Variants in CADM2 observed in about 807,000 individuals in gnomAD.
The protein encoded by CADM2 is cell adhesion molecule 2.
A neutral mutation model predicts 49.8 loss-of-function variants in CADM2; 12 were observed. The observed-to-expected ratio is 0.24, with a 90% CI of 0.15 to 0.39. The LOEUF is 0.39. CADM2 is among the 10% of genes least tolerant of loss of function. The pLI is 1.00. For synonymous variants in CADM2, 214 were observed against 175.4 expected (o/e 1.22, Z -1.74); for missense variants, 378 against 492.3 (o/e 0.77, Z 2.20).
intron 1 of CADM2, among the ~76,000 whole-genome samples, chr3:85,041,604 C>T (rs993283474): frequency 6.6e-6 from 1 of 152,166 alleles, no homozygotes. Flanking sequence ...TTTCTAACTT[C>T]AAGGAGTGAG....
chr3:85,110,021 A>G (rs891264529), intron 1 of CADM2, among the ~76,000 whole-genome samples: 3 of 151,920 alleles, frequency 2.0e-5, no homozygotes, highest in Non-Finnish European at 4.4e-5. Flanking sequence ...GGCTATCTAC[A>G]ATTACTATCT....
intron 2 of CADM2, among the ~76,000 whole-genome samples, chr3:85,748,393 G>A (rs1417059272): frequency 6.6e-6 from 1 of 151,826 alleles, no homozygotes; most frequent in African/African-American, 2.4e-5. Flanking sequence ...AGGCGAAATA[G>A]CCTAAATTGT....
At chr3:85,348,770 A>G (rs1166605604) in intron 1 of CADM2, among the ~76,000 whole-genome samples, 1 of 152,172 alleles carries the variant, frequency 6.6e-6, no homozygotes, top group African/African-American at 2.4e-5. Context: ...AATTAATACA[A>G]TCTTAACACA....
In CADM2 at chr3:85,245,160, A is replaced by G. The variant is rs957932798; in HGVS notation, c.61+285492A>G. Among the ~76,000 whole-genome samples, 6 of 152,282 alleles carry G rather than the reference A, an allele frequency of 3.9e-5. No individual in the cohort carries two copies. In the East Asian group the frequency reaches 7.7e-4, roughly 20 times the overall value. ...GAAAAAAGACCCCAGTATGATTTTC[A>G]TAAGTCTGGATGAGTGCTCTGTGGA... On this transcript the variant is annotated intron_variant, in intron 1 of 9. Coordinates refer to ENST00000383699, the MANE Select transcript of CADM2 (RefSeq NM_001167675.2).
chr3:85,382,888 T>TA (rs1285350513), intron 1 of CADM2, among the ~76,000 whole-genome samples: 2 of 152,318 alleles, frequency 1.3e-5, no homozygotes, highest in East Asian at 3.9e-4. Context: ...TGCCAACACT[T>TA]ACGAGTGCTG....
chr3:85,598,442 A>G (rs1024199067), intron 1 of CADM2, among the ~76,000 whole-genome samples: 4 of 151,966 alleles, frequency 2.6e-5, no homozygotes, highest in African/African-American at 9.7e-5. Context: ...ATTTATTTCT[A>G]TATTTTGTGT....
intron 1 of CADM2, among the ~76,000 whole-genome samples, chr3:85,325,704 A>C (rs960059423): frequency 2.0e-5 from 3 of 151,968 alleles, no homozygotes; most frequent in African/African-American, 7.2e-5. Flanking sequence ...AAAAAAAAAA[A>C]AAAAGTGTGA....
rs368002185 is a variant in CADM2, at chr3:85,871,552, G to T, written c.239-11739G>T. Among the ~76,000 whole-genome samples the T allele has an allele frequency of 9.2e-5, 14 of 152,260 alleles. No individual in the cohort carries two copies. In the East Asian group the frequency reaches 2.5e-3, roughly 27 times the overall value. On this transcript the variant is annotated intron_variant, in intron 3 of 9. Coordinates refer to ENST00000383699, the MANE Select transcript of CADM2 (RefSeq NM_001167675.2). ...TTTGGGTGAGTTACTGAACCTCTCT[G>T]ATGTTTAGGTTTCTCATCTTTAGAA...
intron 1 of CADM2, among the ~76,000 whole-genome samples, chr3:85,154,609 A>T (rs959477634): frequency 1.3e-5 from 2 of 151,552 alleles, no homozygotes; most frequent in Non-Finnish European, 1.5e-5. Context: ...ATACTCCTCG[A>T]GAAGAGCAAC....
chr3:85,953,897 T>G (rs1458377337), intron 7 of CADM2, among the ~76,000 whole-genome samples: 3 of 150,986 alleles, frequency 2.0e-5, no homozygotes, highest in Non-Finnish European at 4.5e-5. Context: ...GGACATTTTC[T>G]GTTAATTAAA....
intron 8 of CADM2, among the ~76,000 whole-genome samples, chr3:86,052,363 A>G (rs1019226571): frequency 3.3e-5 from 5 of 152,124 alleles, no homozygotes; most frequent in Non-Finnish European, 5.9e-5. Context: ...TTTTATTATT[A>G]TAACATATAG....
chr3:85,543,602 T>C (rs1420365946), intron 1 of CADM2, among the ~76,000 whole-genome samples: 1 of 152,118 alleles, frequency 6.6e-6, no homozygotes, highest in Non-Finnish European at 1.5e-5. Flanking sequence ...GAACTCTTTA[T>C]CCATTTTGTG....
intron 1 of CADM2, among the ~76,000 whole-genome samples, chr3:85,705,069 G>C (rs1408309992): frequency 6.8e-6 from 1 of 146,474 alleles, no homozygotes; most frequent in Non-Finnish European, 1.5e-5. Context: ...GGTTTTGCCT[G>C]GTTAGCCTGG....
chr3:85,842,391 C>A (rs574292913), intron 3 of CADM2, among the ~76,000 whole-genome samples: 2 of 152,170 alleles, frequency 1.3e-5, no homozygotes, highest in African/African-American at 4.8e-5. Context: ...CTTCCTCAAC[C>A]CTCTTTCAAG....
intron 1 of CADM2, among the ~76,000 whole-genome samples, chr3:85,034,415 C>T (rs570184833): frequency 6.6e-6 from 1 of 152,108 alleles, no homozygotes; most frequent in Non-Finnish European, 1.5e-5. Context: ...TATGTTGCTG[C>T]AAGTGACAGG....
At chr3:85,835,238 T>C (rs1349756530) in intron 3 of CADM2, among the ~76,000 whole-genome samples, 3 of 151,578 alleles carry the variant, frequency 2.0e-5, no homozygotes, top group Non-Finnish European at 4.4e-5. Context: ...TAGACATATT[T>C]TGATAGCTTT....
intron 3 of CADM2, among the ~76,000 whole-genome samples, chr3:85,820,823 A>G (rs2073511655): frequency 6.6e-6 from 1 of 152,128 alleles, no homozygotes; most frequent in South Asian, 2.1e-4. Context: ...GAGTCCAAGG[A>G]CTGAGTTCTA....
At chr3:85,183,796 A>T (rs143141636) in intron 1 of CADM2, among the ~76,000 whole-genome samples, 2 of 152,160 alleles carry the variant, frequency 1.3e-5, no homozygotes, top group Admixed American at 1.3e-4. Context: ...TAGCTCCAGA[A>T]TAAGGAATGG....
chr3:85,431,213 C>A (rs148324441), intron 1 of CADM2, among the ~76,000 whole-genome samples: 123 of 152,114 alleles, frequency 8.1e-4, no homozygotes, highest in African/African-American at 2.8e-3. Flanking sequence ...GATGTAAGGG[C>A]ATATTATCTA....
Sources: gnomAD v4.1 joint callset for allele counts (sites outside exome capture counted in the v4.1 genomes callset) on GRCh38, gnomAD v4.1.1 for gene constraint, MANE v1.5 for transcripts, NCBI Gene and HGNC (gene_info 2026-07-23, HGNC 2026-07-21) for gene names.